Variants in MALRD1 observed in about 807,000 individuals in gnomAD.
MALRD1 encodes MAM and LDL-receptor class A domain-containing protein 1.
A neutral mutation model predicts 242.1 loss-of-function variants in MALRD1; 247 were observed. That is an observed-to-expected ratio of 1.02 (90% CI 0.92 to 1.13). MALRD1 has a LOEUF of 1.13. Ranked by LOEUF, MALRD1 falls within the 50% of genes most tolerant of loss-of-function variation. The probability of loss-of-function intolerance (pLI) is 0.00; values close to 1 mark genes in which losing one functional copy is unlikely to be tolerated. For missense variants in MALRD1, 2,989 were observed against 2,533.1 expected (o/e 1.18, Z -3.86); for synonymous variants, 995 against 866.6 (o/e 1.15, Z -2.60).
intron 26 of MALRD1, among the ~76,000 whole-genome samples, chr10:19,361,219 A>G (rs1180565248): frequency 1.3e-5 from 2 of 152,186 alleles, no homozygotes; most frequent in Admixed American, 1.3e-4. Flanking sequence ...GTGAACATAT[A>G]CTATACACAA....
intron 33 of MALRD1, among the ~76,000 whole-genome samples, chr10:19,571,018 A>G (rs1243154231): frequency 1.3e-5 from 2 of 152,152 alleles, no homozygotes; most frequent in Non-Finnish European, 2.9e-5. Context: ...GAATTATTAT[A>G]GGGAACTATT....
At chr10:19,094,564 C>T (rs1373531008) in intron 4 of MALRD1, among the ~76,000 whole-genome samples, 5 of 151,904 alleles carry the variant, frequency 3.3e-5, no homozygotes, top group South Asian at 2.1e-4. Flanking sequence ...GCGTCGCTCA[C>T]GCTGGGAGCT....
intron 36 of MALRD1, among the ~76,000 whole-genome samples, chr10:19,623,446 A>G (rs1419773932): frequency 6.6e-6 from 1 of 152,158 alleles, no homozygotes; most frequent in Non-Finnish European, 1.5e-5. Context: ...AAGATTTATG[A>G]TGAGAATTGG....
intron 18 of MALRD1, among the ~76,000 whole-genome samples, chr10:19,222,092 C>T (rs939496861): frequency 2.6e-5 from 4 of 151,924 alleles, no homozygotes; most frequent in Non-Finnish European, 4.4e-5. Flanking sequence ...TTCCTCCCTC[C>T]CTTGCTCCCT....
intron 36 of MALRD1, among the ~76,000 whole-genome samples, chr10:19,616,203 T>C (rs962424748): frequency 6.6e-6 from 1 of 152,044 alleles, no homozygotes; most frequent in African/African-American, 2.4e-5. Context: ...ATTTATTATT[T>C]CTATCAGGTT....
At chr10:19,209,211 G>T in intron 17 of MALRD1, 57 bp from the exon 18 acceptor site, 1 of 1,359,196 alleles carries the variant, frequency 7.4e-7, no homozygotes, top group South Asian at 1.6e-5. Flanking sequence ...AATAGAATGT[G>T]GTTGCATGTA....
At chr10:19,603,386 G>C (rs1459218957) in intron 34 of MALRD1, among the ~76,000 whole-genome samples, 1 of 152,086 alleles carries the variant, frequency 6.6e-6, no homozygotes, top group Non-Finnish European at 1.5e-5. Flanking sequence ...TGTAAGGAAG[G>C]GATCCAGTTT....
At chr10:19,343,106 T>C (rs1159201622) in intron 24 of MALRD1, among the ~76,000 whole-genome samples, 1 of 152,130 alleles carries the variant, frequency 6.6e-6, no homozygotes, top group Non-Finnish European at 1.5e-5. Flanking sequence ...ACGGTCATTC[T>C]GTATATCACA....
intron 1 of MALRD1, among the ~76,000 whole-genome samples, chr10:19,063,157 A>G (rs371173504): frequency 1.8e-4 from 28 of 152,182 alleles, no homozygotes; most frequent in African/African-American, 6.5e-4. Context: ...CCCCCAAAAA[A>G]AAAGTTTATG....
At chr10:19,490,540 A>G (rs1378656066) in intron 29 of MALRD1, among the ~76,000 whole-genome samples, 3 of 27,002 alleles carry the variant, frequency 1.1e-4, no homozygotes, top group East Asian at 8.5e-4. Context: ...GTGAGGGTAG[A>G]GTGGGGGTAC....
chr10:19,229,340 A>C (rs1837947699), intron 18 of MALRD1, among the ~76,000 whole-genome samples: 1 of 152,080 alleles, frequency 6.6e-6, no homozygotes, highest in South Asian at 2.1e-4. Context: ...AGAAATTATC[A>C]CTGATCAATG....
At chr10:19,715,688 G>A (rs1216707166) in intron 38 of MALRD1, among the ~76,000 whole-genome samples, 1 of 152,208 alleles carries the variant, frequency 6.6e-6, no homozygotes, top group Non-Finnish European at 1.5e-5. Context: ...TTGTTTGGCT[G>A]GCGGTTCTGC....
chr10:19,186,517 G>C (rs528848816), intron 14 of MALRD1, among the ~76,000 whole-genome samples: 1 of 152,330 alleles, frequency 6.6e-6, no homozygotes, highest in African/African-American at 2.4e-5. Flanking sequence ...GAGAATTCAG[G>C]ATAGTAGTGA....
intron 36 of MALRD1, among the ~76,000 whole-genome samples, chr10:19,624,472 T>A (rs1237612430): frequency 1.3e-5 from 2 of 152,090 alleles, no homozygotes; most frequent in Non-Finnish European, 2.9e-5. Flanking sequence ...CTAAAAAGTG[T>A]GTTATTGTTG....
intron 8 of MALRD1, 87 bp from the exon 9 acceptor site, chr10:19,133,769 C>G: frequency 2.0e-6 from 1 of 500,880 alleles, no homozygotes; most frequent in Non-Finnish European, 3.1e-6. Flanking sequence ...AAGGTAATAC[C>G]TACTACAGTG....
chr10:19,162,856 G>A (rs1375121057), intron 12 of MALRD1, among the ~76,000 whole-genome samples: 1 of 151,944 alleles, frequency 6.6e-6, no homozygotes, highest in Non-Finnish European at 1.5e-5. Flanking sequence ...TATAGGTCAG[G>A]TGCAGTGGCT....
chr10:19,395,346 A>G (rs1025694029), intron 28 of MALRD1, among the ~76,000 whole-genome samples: 1 of 152,214 alleles, frequency 6.6e-6, no homozygotes, highest in Non-Finnish European at 1.5e-5. Context: ...TGAGACATCA[A>G]TCAACATATG....
chr10:19,216,222 A>G (rs1452479931), intron 18 of MALRD1, among the ~76,000 whole-genome samples: 1 of 148,348 alleles, frequency 6.7e-6, no homozygotes, highest in African/African-American at 2.5e-5. Context: ...AGGTCAAGTG[A>G]TTCTCCTGCC....
chr10:19,051,449 T>G (rs752324783), intron 1 of MALRD1: 4 of 168,158 alleles, frequency 2.4e-5, no homozygotes, highest in African/African-American at 4.7e-5. Flanking sequence ...TGGACAGGGA[T>G]GCAAGATGGC....
Sources: allele counts gnomAD v4.1 joint callset (sites outside exome capture counted in the v4.1 genomes callset), GRCh38; gene constraint gnomAD v4.1.1; transcripts MANE v1.5; gene names NCBI Gene and HGNC (gene_info 2026-07-23, HGNC 2026-07-21).